The following GRIK2 variants were observed in gnomAD, a reference collection of about 807,000 sequenced individuals.
GRIK2 encodes the protein glutamate receptor ionotropic, kainate 2.
In GRIK2, 32 loss-of-function variants were observed where a neutral mutation model predicts 100.3. The ratio of observed to expected loss-of-function variants is 0.32; its 90% CI spans 0.24 to 0.43. The LOEUF is 0.43. GRIK2 is among the 20% of genes least tolerant of loss of function. The pLI is 1.00. For missense variants in GRIK2, 843 were observed against 1,114.9 expected, an observed-to-expected ratio of 0.76 and a Z score of 3.47; for synonymous variants, 417 against 389.4, an observed-to-expected ratio of 1.07 and a Z score of -0.83.
intron 14 of GRIK2, among the ~76,000 whole-genome samples, chr6:101,965,294 G>A (rs1792588637): frequency 6.6e-6 from 1 of 152,040 alleles, no homozygotes; most frequent in African/African-American, 2.4e-5. Flanking sequence ...GTGCTGTTTT[G>A]CATATTTGCT....
At chr6:101,618,794 T>C (rs1051901954) in intron 2 of GRIK2, among the ~76,000 whole-genome samples, 1 of 151,510 alleles carries the variant, frequency 6.6e-6, no homozygotes, top group South Asian at 2.1e-4. Context: ...CTCTTCTCTA[T>C]ATGTTATGAA....
At chr6:101,693,576 C>T (rs2047562781) in intron 7 of GRIK2, among the ~76,000 whole-genome samples, 4 of 151,926 alleles carry the variant, frequency 2.6e-5, no homozygotes, top group African/African-American at 9.7e-5. Flanking sequence ...ATGGGAATAG[C>T]TCAAGGGGTG....
chr6:102,004,866 T>TTTTC (rs1554190283), intron 14 of GRIK2, among the ~76,000 whole-genome samples: 1 of 151,432 alleles, frequency 6.6e-6, no homozygotes, highest in African/African-American at 2.4e-5. Flanking sequence ...TGCATTTTTT[T>TTTTC]TTTCTTTCTT....
chr6:101,629,551 A>G (rs1269413025), intron 4 of GRIK2, among the ~76,000 whole-genome samples: 1 of 152,104 alleles, frequency 6.6e-6, no homozygotes, highest in Non-Finnish European at 1.5e-5. Flanking sequence ...TTGCACTTGT[A>G]ACAGACCAAT....
At chr6:101,788,793 T>A (rs1398397186) in intron 7 of GRIK2, among the ~76,000 whole-genome samples, 3 of 152,178 alleles carry the variant, frequency 2.0e-5, no homozygotes, top group Non-Finnish European at 4.4e-5. Flanking sequence ...CACACTGACT[T>A]CCACAATGGT....
At chr6:101,520,850 G>GA (rs1273734440) in intron 2 of GRIK2, among the ~76,000 whole-genome samples, 1 of 151,830 alleles carries the variant, frequency 6.6e-6, no homozygotes, top group Non-Finnish European at 1.5e-5. Context: ...CGGTCTCAGA[G>GA]AAAAAAGTCA....
intron 7 of GRIK2, among the ~76,000 whole-genome samples, chr6:101,709,390 A>G (rs1773551970): frequency 6.6e-6 from 1 of 151,868 alleles, no homozygotes; most frequent in Admixed American, 6.6e-5. Flanking sequence ...CTAACATTTT[A>G]GAGTGCTTCT....
intron 14 of GRIK2, among the ~76,000 whole-genome samples, chr6:102,008,771 C>T (rs955773233): frequency 6.6e-6 from 1 of 152,046 alleles, no homozygotes; most frequent in Non-Finnish European, 1.5e-5. Context: ...AAAGTGAGTG[C>T]TTCAGGACTT....
At chr6:101,477,604 A>G (rs1417478553) in intron 2 of GRIK2, among the ~76,000 whole-genome samples, 1 of 152,158 alleles carries the variant, frequency 6.6e-6, no homozygotes, top group Non-Finnish European at 1.5e-5. Context: ...ACTTACGTTC[A>G]TTCTAGAGGT....
At chr6:101,461,512 G>A (rs1279781827) in intron 2 of GRIK2, among the ~76,000 whole-genome samples, 2 of 152,046 alleles carry the variant, frequency 1.3e-5, no homozygotes, top group East Asian at 1.9e-4. Flanking sequence ...TCTAGTTCTC[G>A]CATTGCATTT....
At chr6:102,022,164 A>AATCAGAAATGAGTTCTGAGTTGG in intron 14 of GRIK2, among the ~76,000 whole-genome samples, 1 of 150,980 alleles carries the variant, frequency 6.6e-6, no homozygotes, top group African/African-American at 2.4e-5. Context: ...ACACACACAC[A>AATCAGAAATGAGTTCTGAGTTGG]CAACATATAT....
rs191168112 is a variant in GRIK2, at chr6:101,587,850, C to T, written c.116-34099C>T. On this transcript the variant is annotated intron_variant, in intron 2 of 16. Coordinates refer to ENST00000369134, the MANE Select transcript of GRIK2 (RefSeq NM_021956.5). Reference sequence around the variant, plus strand: ...GACTGCAGAGGTTTCTATGCACAGACACTCTCTGAACTACTAAAAAATGCA... The same window carrying T: ...GACTGCAGAGGTTTCTATGCACAGATACTCTCTGAACTACTAAAAAATGCA... Among the ~76,000 whole-genome samples, 402 of 152,138 alleles carry T rather than the reference C, an allele frequency of 2.6e-3. 2 individuals carry two copies. Among genetic ancestry groups the T allele is most frequent in the Non-Finnish European group, 4.4e-3 (300 of 67,984 alleles).
At chr6:101,975,187 A>G (rs1330752120) in intron 14 of GRIK2, among the ~76,000 whole-genome samples, 1 of 151,884 alleles carries the variant, frequency 6.6e-6, no homozygotes, top group Non-Finnish European at 1.5e-5. Flanking sequence ...TAACTTTGAA[A>G]TACCTATGAG....
intron 14 of GRIK2, among the ~76,000 whole-genome samples, chr6:102,022,064 A>G (rs954844032): frequency 6.6e-6 from 1 of 150,626 alleles, no homozygotes; most frequent in Non-Finnish European, 1.5e-5. Context: ...CACTGGCTCT[A>G]TGAAGCATAG....
intron 14 of GRIK2, among the ~76,000 whole-genome samples, chr6:101,980,693 T>G (rs1210327811): frequency 6.6e-6 from 1 of 151,826 alleles, no homozygotes; most frequent in East Asian, 1.9e-4. Flanking sequence ...TTTCTAAATA[T>G]CTAATAAGAT....
intron 4 of GRIK2, among the ~76,000 whole-genome samples, chr6:101,655,990 A>G (rs1488893500): frequency 6.6e-6 from 1 of 152,094 alleles, no homozygotes; most frequent in Non-Finnish European, 1.5e-5. Context: ...AGTGGTAAAG[A>G]TTTGAAAAGT....
chr6:101,917,596 T>G lies in GRIK2; in HGVS notation c.1749-7005T>G, dbSNP rs185130997. Among the ~76,000 whole-genome samples the G allele has an allele frequency of 1.1e-4, 16 of 151,714 alleles. No homozygotes were observed. The East Asian group carries it at 3.1e-3, about 29-fold the overall frequency. On this transcript the variant is annotated intron_variant, in intron 12 of 16. Coordinates refer to ENST00000369134, the MANE Select transcript of GRIK2 (RefSeq NM_021956.5). ...TACCTTGTCACTTGCCTTTTTTTTTTTAAGTTTGGATGATGTAACTTCTCT... is the reference window on the plus strand; with the variant it reads ...TACCTTGTCACTTGCCTTTTTTTTTGTAAGTTTGGATGATGTAACTTCTCT...
At chr6:102,022,127 C>A in intron 14 of GRIK2, among the ~76,000 whole-genome samples, 1 of 125,956 alleles carries the variant, frequency 7.9e-6, no homozygotes, top group Non-Finnish European at 1.6e-5. Flanking sequence ...ATGAGTCTGT[C>A]TATATAACAC....
intron 14 of GRIK2, among the ~76,000 whole-genome samples, chr6:101,963,408 C>G (rs1410269833): frequency 1.4e-5 from 2 of 144,928 alleles, no homozygotes; most frequent in Non-Finnish European, 3.0e-5. Context: ...TGCCATTCTC[C>G]TGCCTCAGTC....
Sources: allele counts gnomAD v4.1 joint callset (sites outside exome capture counted in the v4.1 genomes callset), GRCh38; gene constraint gnomAD v4.1.1; transcripts MANE v1.5; gene names NCBI Gene and HGNC (gene_info 2026-07-23, HGNC 2026-07-21).